IDE: variants seen among roughly 807,000 people sequenced by gnomAD.
IDE encodes insulin degrading enzyme.
Under a neutral mutation model 133.2 loss-of-function variants are expected in IDE, and 58 were observed. The observed-to-expected ratio is 0.44, with a 90% CI of 0.35 to 0.54. The LOEUF (loss-of-function observed/expected upper bound fraction) is 0.54, where lower values mean the gene tolerates loss of function less well. Among genes scored for constraint, IDE ranks in the 20% least tolerant of loss-of-function variants. The pLI, the probability that IDE is intolerant of heterozygous loss-of-function variation, is 0.00. For missense variants in IDE, 981 were observed against 1,234.0 expected (o/e 0.79, Z 3.07); for synonymous variants, 396 against 421.3 (o/e 0.94, Z 0.73).
chr10:92,525,219 C>T (rs933134747), intron 4 of IDE, among the ~76,000 whole-genome samples: 1 of 152,218 alleles, frequency 6.6e-6, no homozygotes. Flanking sequence ...CACCATTGCC[C>T]TCCAGCCTGG....
In IDE at chr10:92,490,503, T is replaced by G. The variant is rs749621278; in HGVS notation, c.1523A>C (p.Glu508Ala). 1 of 1,594,548 alleles carries G rather than the reference T, an allele frequency of 6.3e-7. No individual in the cohort carries two copies. The highest frequency in any genetic ancestry group is 1.3e-5 in the African/African-American group (1 of 74,498). Residue 508 changes from glutamate to alanine, a missense_variant, in exon 12 of 25, where the codon GAA (glutamate) becomes GCA (alanine). Physicochemically the swap from Glu to Ala is moderately radical, Grantham distance 107. Coordinates refer to ENST00000265986, the MANE Select transcript of IDE (RefSeq NM_004969.4). ...TQYKQEAIPD[E>A]VIKKWQNADL... ...ATGAGTTAACCCTACCTTGATGACT[T>G]CATCCGGTATAGCTTCTTGTTTGTA...
intron 11 of IDE, among the ~76,000 whole-genome samples, chr10:92,490,899 T>G (rs573681652): frequency 2.6e-5 from 4 of 152,250 alleles, no homozygotes; most frequent in Admixed American, 2.0e-4. Context: ...GAAAAAAATG[T>G]AACAAGGTCA....
At chr10:92,527,280 C>T (rs1024071443) in intron 4 of IDE, among the ~76,000 whole-genome samples, 1 of 152,066 alleles carries the variant, frequency 6.6e-6, no homozygotes, top group African/African-American at 2.4e-5. Flanking sequence ...GTGGATGTTT[C>T]CAGGGCCTAT....
intron 4 of IDE, among the ~76,000 whole-genome samples, chr10:92,524,409 A>ATTT (rs1849445201): frequency 1.1e-5 from 1 of 87,952 alleles, no homozygotes; most frequent in African/African-American, 4.6e-5. Flanking sequence ...TATATAATAT[A>ATTT]TATTATATTA....
chr10:92,519,593 A>G (rs1849108955), intron 4 of IDE, among the ~76,000 whole-genome samples: 1 of 152,172 alleles, frequency 6.6e-6, no homozygotes, highest in Non-Finnish European at 1.5e-5. Context: ...AAGTCTCCAA[A>G]TATCTCCAAG....
intron 5 of IDE, among the ~76,000 whole-genome samples, chr10:92,513,811 G>T (rs1250041455): frequency 6.6e-6 from 1 of 151,908 alleles, no homozygotes; most frequent in Non-Finnish European, 1.5e-5. Context: ...CCAAGCACGA[G>T]CCCAGGTACT....
At chr10:92,501,362 T>TAAAAAA (rs55861862) in intron 11 of IDE, among the ~76,000 whole-genome samples, 4 of 19,234 alleles carry the variant, frequency 2.1e-4, no homozygotes, top group Non-Finnish European at 3.4e-4. Context: ...ACTCTGTCAT[T>TAAAAAA]AAAAAAAAAA....
chr10:92,485,915 C>T (rs1846965722), intron 13 of IDE, among the ~76,000 whole-genome samples: 1 of 151,986 alleles, frequency 6.6e-6, no homozygotes, highest in East Asian at 1.9e-4. Flanking sequence ...GCACTCCAGC[C>T]TGGGCAACAG....
intron 1 of IDE, among the ~76,000 whole-genome samples, chr10:92,538,232 A>C (rs1483315411): frequency 6.6e-6 from 1 of 152,160 alleles, no homozygotes; most frequent in Non-Finnish European, 1.5e-5. Context: ...AAGTGAGGTG[A>C]GATGTTGTGT....
chr10:92,474,891 A>G lies in IDE; in HGVS notation c.2066T>C (p.Leu689Pro). The change falls in exon 17 of 25, where the codon CTG (leucine) becomes CCG (proline). Residue 689 changes from leucine to proline, a missense_variant. Physicochemically the swap from Leu to Pro is moderately conservative, Grantham distance 98. Coordinates refer to ENST00000265986, the MANE Select transcript of IDE (RefSeq NM_004969.4). ...TTTAGTCCAGGCCACTTCAGTCATCAGCAAGCGGAGGTAGTACATGGCATG... is the reference window on the plus strand; with the variant it reads ...TTTAGTCCAGGCCACTTCAGTCATCGGCAAGCGGAGGTAGTACATGGCATG... ...HQHAMYYLRL[L>P]MTEVAWTKDE... is the part of the protein sequence containing the mutation. 6.2e-7 allele frequency: 1 copy of G among 1,613,844 alleles called. No homozygotes were observed.
At chr10:92,516,250 T>C (rs563692982) in intron 4 of IDE, among the ~76,000 whole-genome samples, 1 of 152,144 alleles carries the variant, frequency 6.6e-6, no homozygotes, top group South Asian at 2.1e-4. Flanking sequence ...TCCCAGCACT[T>C]TGGGAGGCCA....
chr10:92,468,831 T>A (rs374934906), intron 19 of IDE, 48 bp downstream of exon 19: 6 of 977,308 alleles, frequency 6.1e-6, no homozygotes, highest in Non-Finnish European at 1.0e-5. Context: ...TCACCCACAC[T>A]GTTATGTCAA....
At chr10:92,514,603 T>C (rs140464692) in intron 5 of IDE, among the ~76,000 whole-genome samples, 134 of 152,220 alleles carry the variant, frequency 8.8e-4, no homozygotes, top group African/African-American at 3.1e-3. Context: ...TCCCACTAAT[T>C]TAAAAAAATT....
chr10:92,540,935 A>G (rs1842272228), intron 1 of IDE, among the ~76,000 whole-genome samples: 1 of 152,210 alleles, frequency 6.6e-6, no homozygotes, highest in Non-Finnish European at 1.5e-5. Flanking sequence ...GTTCCAGCCC[A>G]GTAAGAACTA....
At chr10:92,556,272 C>T (rs1315042082) in intron 1 of IDE, among the ~76,000 whole-genome samples, 1 of 151,594 alleles carries the variant, frequency 6.6e-6, no homozygotes, top group African/African-American at 2.4e-5. Context: ...AATTGTATTT[C>T]CATACAGTAG....
rs1260936751 is a variant in IDE, at chr10:92,454,624, C to A, written c.2965-85G>T. Reference sequence around the variant, plus strand: ...AACTTTTTTTGGCGGACACTGGGAGCATACCTCAGTTCTACTTAATATACT... The same window carrying A: ...AACTTTTTTTGGCGGACACTGGGAGAATACCTCAGTTCTACTTAATATACT... On this transcript the variant is annotated intron_variant, in intron 24 of 24. Coordinates refer to ENST00000265986, the MANE Select transcript of IDE (RefSeq NM_004969.4). 3.3e-6 allele frequency: 3 copies of A among 903,456 alleles called. No homozygotes were observed. The East Asian group carries it at 7.3e-5, about 22-fold the overall frequency. The allele number at this position is 903,456 out of a possible 1,614,324, so 56.0% of individuals were successfully genotyped here.
intron 13 of IDE, among the ~76,000 whole-genome samples, chr10:92,484,538 G>C (rs1846850262): frequency 1.3e-5 from 2 of 152,086 alleles, no homozygotes; most frequent in East Asian, 3.9e-4. Context: ...TTCGAGATCA[G>C]CCTGGCCAAA....
chr10:92,526,379 T>C (rs1042361333), intron 4 of IDE, among the ~76,000 whole-genome samples: 1 of 152,064 alleles, frequency 6.6e-6, no homozygotes, highest in Non-Finnish European at 1.5e-5. Context: ...AAAAAAATCC[T>C]AAAATCTATA....
chr10:92,486,818 T>C (rs1847027221), intron 13 of IDE, among the ~76,000 whole-genome samples: 1 of 152,174 alleles, frequency 6.6e-6, no homozygotes, highest in Non-Finnish European at 1.5e-5. Context: ...ACTTGCTCTC[T>C]TTCAGGCTTT....
Sources: gnomAD v4.1 joint callset for allele counts (sites outside exome capture counted in the v4.1 genomes callset) on GRCh38, gnomAD v4.1.1 for gene constraint, MANE v1.5 for transcripts, NCBI Gene and HGNC (gene_info 2026-07-23, HGNC 2026-07-21) for gene names.